The following SLC4A7 variants were observed in gnomAD, a reference collection of about 807,000 sequenced individuals.
The protein encoded by SLC4A7 is solute carrier family 4 member 7.
A neutral mutation model predicts 137.6 loss-of-function variants in SLC4A7; 51 were observed. The ratio of observed to expected loss-of-function variants is 0.37; its 90% confidence interval spans 0.30 to 0.47. SLC4A7 has a LOEUF of 0.47. Among genes scored for constraint, SLC4A7 ranks in the 20% least tolerant of loss-of-function variants. SLC4A7 has a pLI of 1.00. For missense variants in SLC4A7, 1,247 were observed against 1,525.4 expected (o/e 0.82, Z 3.04); for synonymous variants, 542 against 518.6 (o/e 1.05, Z -0.61).
At chr3:27,426,033 C>T (rs2055577500) in intron 7 of SLC4A7, among the ~76,000 whole-genome samples, 2 of 152,134 alleles carry the variant, frequency 1.3e-5, no homozygotes, top group Non-Finnish European at 2.9e-5. Context: ...ATATACCTGA[C>T]ACATCTAAAG....
At chr3:27,424,582 T>C (rs1049920581) in intron 7 of SLC4A7, 1 of 152,848 alleles carries the variant, frequency 6.5e-6, no homozygotes, top group Admixed American at 6.5e-5. Context: ...AAACCCTAAG[T>C]GTAACTCAGA....
At chr3:27,428,058 G>A (rs1468067234) in intron 7 of SLC4A7, among the ~76,000 whole-genome samples, 1 of 152,154 alleles carries the variant, frequency 6.6e-6, no homozygotes, top group Non-Finnish European at 1.5e-5. Context: ...AAAAATGGAA[G>A]GAAGTAGCTT....
chr3:27,451,215 T>G (rs1231108572), intron 2 of SLC4A7, among the ~76,000 whole-genome samples: 2 of 151,948 alleles, frequency 1.3e-5, no homozygotes, highest in African/African-American at 4.8e-5. Flanking sequence ...TAAATCAAAC[T>G]TTGTTTCTCT....
At chr3:27,376,904 C>T in intron 25 of SLC4A7, 59 bp from the exon 26 acceptor site, 1 of 836,972 alleles carries the variant, frequency 1.2e-6, no homozygotes, top group Non-Finnish European at 1.7e-6. Context: ...CAATTCTAAA[C>T]ATGGCTAACA....
intron 3 of SLC4A7, among the ~76,000 whole-genome samples, chr3:27,440,835 A>G (rs2057133374): frequency 6.6e-6 from 1 of 152,162 alleles, no homozygotes; most frequent in Non-Finnish European, 1.5e-5. Flanking sequence ...ACCTGAGATC[A>G]GGAATTTGAG....
intron 20 of SLC4A7, among the ~76,000 whole-genome samples, chr3:27,394,004 A>G (rs1031897765): frequency 5.3e-5 from 8 of 151,912 alleles, no homozygotes; most frequent in African/African-American, 1.7e-4. Flanking sequence ...TTTTATACAT[A>G]TATTTGCCAT....
At position 27,442,375 on chromosome 3, in the gene SLC4A7, G is replaced by T. The variant is rs538392593; in HGVS notation, c.290-4849C>A. Among the ~76,000 whole-genome samples, 5 of 151,528 alleles carry T rather than the reference G, an allele frequency of 3.3e-5. 1 individual carries two copies. The South Asian group carries it at 1.0e-3, about 32-fold the overall frequency. Reference sequence around the variant, plus strand: ...TTTGTAATAAACAACTCCCAAATGGGTTTTATCCCATGAAAATGTGACGTC... The same window carrying T: ...TTTGTAATAAACAACTCCCAAATGGTTTTTATCCCATGAAAATGTGACGTC... On this transcript the variant is annotated intron_variant, in intron 3 of 25. Coordinates refer to ENST00000454389, the MANE Select transcript of SLC4A7 (RefSeq NM_001321103.2).
chr3:27,434,761 T>C (rs936366525), intron 5 of SLC4A7, among the ~76,000 whole-genome samples: 1 of 151,988 alleles, frequency 6.6e-6, no homozygotes, highest in East Asian at 1.9e-4. Flanking sequence ...ATAAAATATA[T>C]ATTAATAGTT....
At chr3:27,394,122 G>A (rs560086670) in intron 20 of SLC4A7, among the ~76,000 whole-genome samples, 44 of 150,652 alleles carry the variant, frequency 2.9e-4, no homozygotes, top group Admixed American at 8.6e-4. Context: ...AGGTTCAAGC[G>A]ATCCTCCCAC....
chr3:27,457,077 T>A, intron 1 of SLC4A7: 2 of 265,138 alleles, frequency 7.5e-6, no homozygotes, highest in Non-Finnish European at 1.2e-5. Context: ...AACAAAGTAT[T>A]AATATGGACA....
intron 3 of SLC4A7, among the ~76,000 whole-genome samples, chr3:27,442,047 A>G (rs935244345): frequency 6.6e-6 from 1 of 151,566 alleles, no homozygotes; most frequent in Non-Finnish European, 1.5e-5. Flanking sequence ...CACCTGGCTA[A>G]TTATTTTTAG....
At chr3:27,402,592 G>A (rs2150152945) in intron 15 of SLC4A7, among the ~76,000 whole-genome samples, 1 of 152,062 alleles carries the variant, frequency 6.6e-6, no homozygotes, top group East Asian at 1.9e-4. Flanking sequence ...CCCTGCTACT[G>A]GTGGGCTGAG....
At chr3:27,448,139 G>A (rs2057800529) in intron 3 of SLC4A7, among the ~76,000 whole-genome samples, 2 of 150,226 alleles carry the variant, frequency 1.3e-5, no homozygotes, top group African/African-American at 4.9e-5. Context: ...TTGAACCCTG[G>A]AGGCAGACGT....
chr3:27,459,807 T>C (rs2150609853), intron 1 of SLC4A7, among the ~76,000 whole-genome samples: 1 of 152,214 alleles, frequency 6.6e-6, no homozygotes, highest in South Asian at 2.1e-4. Context: ...CTGTTGTGTC[T>C]TGTAACTCTT....
intron 24 of SLC4A7, among the ~76,000 whole-genome samples, chr3:27,382,873 C>A (rs1367955919): frequency 1.3e-5 from 2 of 152,186 alleles, no homozygotes; most frequent in Non-Finnish European, 2.9e-5. Context: ...TTTTAAACTT[C>A]ACTAAGATAG....
At chr3:27,414,280 CA>C (rs1257650698) in intron 11 of SLC4A7, among the ~76,000 whole-genome samples, 1 of 151,438 alleles carries the variant, frequency 6.6e-6, no homozygotes, top group African/African-American at 2.4e-5. Context: ...AGCTCCATCT[CA>C]AAAAAAATAA....
At chr3:27,446,126 GTATA>G (rs1350066149) in intron 3 of SLC4A7, among the ~76,000 whole-genome samples, 1 of 109,086 alleles carries the variant, frequency 9.2e-6, no homozygotes, top group African/African-American at 2.6e-5. Flanking sequence ...ATGTGTGTGT[GTATA>G]TATATATATA....
intron 23 of SLC4A7, among the ~76,000 whole-genome samples, chr3:27,384,532 G>A (rs1050985198): frequency 6.6e-6 from 1 of 152,076 alleles, no homozygotes; most frequent in Non-Finnish European, 1.5e-5. Flanking sequence ...GAATAACCTT[G>A]TGTTTAAAGG....
chr3:27,408,935 T>C (rs973612104), intron 13 of SLC4A7, among the ~76,000 whole-genome samples: 1 of 152,224 alleles, frequency 6.6e-6, no homozygotes, highest in South Asian at 2.1e-4. Context: ...CAGCCAGGAC[T>C]GAGGAGTTAA....
Sources: gnomAD v4.1 joint callset for allele counts (sites outside exome capture counted in the v4.1 genomes callset) on GRCh38, gnomAD v4.1.1 for gene constraint, MANE v1.5 for transcripts, NCBI Gene and HGNC (gene_info 2026-07-23, HGNC 2026-07-21) for gene names.